Variants in PSME4 observed in about 807,000 individuals in gnomAD.
PSME4 encodes the protein proteasome activator subunit 4.
PSME4 carries 89 observed loss-of-function variants against 253.9 expected under a neutral mutation model. The ratio of observed to expected loss-of-function variants is 0.35; its 90% CI spans 0.30 to 0.42. The LOEUF (loss-of-function observed/expected upper bound fraction) is 0.42. Ranked by LOEUF, PSME4 falls within the 10% of genes least tolerant of loss-of-function variation. PSME4 has a pLI of 1.00. For missense variants in PSME4, 2,014 were observed against 2,195.2 expected, an observed-to-expected ratio of 0.92 and a Z score of 1.65; for synonymous variants, 851 against 759.2, an observed-to-expected ratio of 1.12 and a Z score of -1.99.
intron 22 of PSME4, 28 bp downstream of exon 22, chr2:53,908,756 A>T: frequency 1.3e-6 from 2 of 1,542,700 alleles, no homozygotes; most frequent in Non-Finnish European, 8.9e-7. Context: ...CCAAAGTACA[A>T]ATAAGTTAAA....
chr2:53,945,628 A>T (rs1402632096), intron 3 of PSME4, among the ~76,000 whole-genome samples: 1 of 152,198 alleles, frequency 6.6e-6, no homozygotes, highest in Non-Finnish European at 1.5e-5. Flanking sequence ...TAGCTTTTAA[A>T]ATCATGTTGA....
chr2:53,926,066 T>TG, intron 12 of PSME4, 43 bp from the exon 13 acceptor site: 1 of 1,509,698 alleles, frequency 6.6e-7, no homozygotes, highest in Non-Finnish European at 9.2e-7. Flanking sequence ...ATAGCCTTTG[T>TG]TTTTTTTTCC....
intron 8 of PSME4, 115 bp from the exon 9 acceptor site, chr2:53,932,875 C>CA: frequency 1.4e-6 from 1 of 700,116 alleles, no homozygotes. Context: ...AACTTGCTGA[C>CA]AAAAATAAAT....
At chr2:53,869,344 A>G (rs781486620) in intron 44 of PSME4, 32 bp downstream of exon 44, 1 of 1,552,904 alleles carries the variant, frequency 6.4e-7, no homozygotes, top group South Asian at 1.2e-5. Flanking sequence ...AATTCCCAAT[A>G]GGATACAGGT....
rs116564081 is a variant in PSME4, at chr2:53,922,897, G to A, written c.1978+152C>T. ...AACATTTTTAAGCTACTGCCAACCTGGATGATATCTTTTTTGGAGACAAAT... is the reference window on the plus strand; with the variant it reads ...AACATTTTTAAGCTACTGCCAACCTAGATGATATCTTTTTTGGAGACAAAT... On this transcript the variant is annotated intron_variant, in intron 16 of 46. Transcript: ENST00000404125. 2.1e-4 allele frequency: 136 copies of A among 645,210 alleles called. 1 individual carries two copies. In the African/African-American group the frequency reaches 2.3e-3, roughly 11 times the overall value. 40.0% of individuals were successfully genotyped at this position (645,210 alleles called of 1,614,324 possible).
intron 5 of PSME4, 113 bp from the exon 6 acceptor site, chr2:53,936,940 G>C: frequency 1.5e-6 from 1 of 680,468 alleles, no homozygotes; most frequent in Non-Finnish European, 2.5e-6. Context: ...ACGTTAACTA[G>C]AAAAAACAAT....
intron 1 of PSME4, among the ~76,000 whole-genome samples, chr2:53,949,561 G>A (rs1408714003): frequency 6.6e-6 from 1 of 151,716 alleles, no homozygotes; most frequent in Non-Finnish European, 1.5e-5. Context: ...TAGAACCAGT[G>A]ATGAGGATGA....
At chr2:53,875,095 A>G (rs933515172) in intron 42 of PSME4, among the ~76,000 whole-genome samples, 2 of 152,218 alleles carry the variant, frequency 1.3e-5, no homozygotes, top group Non-Finnish European at 2.9e-5. Flanking sequence ...AACAACTACT[A>G]AATTCTACTA....
At chr2:53,883,373 GC>G (rs1679484397) in intron 41 of PSME4, among the ~76,000 whole-genome samples, 1 of 152,114 alleles carries the variant, frequency 6.6e-6, no homozygotes, top group Non-Finnish European at 1.5e-5. Flanking sequence ...GGTGATGCAT[GC>G]CCGTAGTCCC....
chr2:53,926,232 A>C (rs1668552085), intron 12 of PSME4, among the ~76,000 whole-genome samples: 1 of 152,234 alleles, frequency 6.6e-6, no homozygotes, highest in Admixed American at 6.5e-5. Flanking sequence ...GAAAGAAGAA[A>C]TTAATGTTAT....
At chr2:53,940,684 G>C (rs1669348882) in intron 3 of PSME4, among the ~76,000 whole-genome samples, 1 of 150,738 alleles carries the variant, frequency 6.6e-6, no homozygotes, top group Non-Finnish European at 1.5e-5. Flanking sequence ...GACCAGAATG[G>C]AATATTTAAA....
At chr2:53,950,463 T>G (rs1323663457) in intron 1 of PSME4, among the ~76,000 whole-genome samples, 1 of 152,214 alleles carries the variant, frequency 6.6e-6, no homozygotes, top group East Asian at 1.9e-4. Flanking sequence ...AAAAATAATT[T>G]AATATTTTAT....
At chr2:53,885,183 G>C (rs534262956) in intron 41 of PSME4, among the ~76,000 whole-genome samples, 5 of 152,134 alleles carry the variant, frequency 3.3e-5, no homozygotes, top group Non-Finnish European at 5.9e-5. Context: ...TAGATGATTA[G>C]ATAAAACCAC....
Position 53,901,203 on chromosome 2 carries a change from G to C in PSME4, c.3285+147C>G, listed in dbSNP as rs1036284192. 4.1e-6 allele frequency: 3 copies of C among 731,278 alleles called. No individual in the cohort carries two copies. The Admixed American group carries it at 8.4e-5, about 20-fold the overall frequency. 45.3% of individuals were successfully genotyped at this position (731,278 alleles called of 1,614,324 possible). Reference sequence around the variant, plus strand: ...ATAATGATCAATGAAAGTACAAAAAGCAAACAGGTAACAAACGCTTTTTTA... The same window carrying C: ...ATAATGATCAATGAAAGTACAAAAACCAAACAGGTAACAAACGCTTTTTTA... On this transcript the variant is annotated intron_variant, in intron 28 of 46. Coordinates refer to ENST00000404125, the MANE Select transcript of PSME4 (RefSeq NM_014614.3).
At chr2:53,919,798 AAAT>A (rs1368891544) in intron 19 of PSME4, among the ~76,000 whole-genome samples, 1 of 151,738 alleles carries the variant, frequency 6.6e-6, no homozygotes, top group Non-Finnish European at 1.5e-5. Flanking sequence ...ATTTCTTGTT[AAAT>A]ACCTGTGGGA....
intron 20 of PSME4, chr2:53,917,248 TA>T (rs1451749090): frequency 1.2e-5 from 2 of 173,156 alleles, no homozygotes; most frequent in Non-Finnish European, 2.6e-5. Flanking sequence ...GAAAAGCAGA[TA>T]AAAGGATACT....
rs192671702 is a variant in PSME4 at position 53,945,080 on chromosome 2, T to C, written c.500+3341A>G. On this transcript the variant is annotated intron_variant, in intron 3 of 46. Coordinates refer to ENST00000404125, the MANE Select transcript of PSME4 (RefSeq NM_014614.3). ...TTTACTACCACCCACAAAAACCAAA[T>C]TAGTGGTAATACTAAATAAACAAAT... Among the ~76,000 whole-genome samples, 592 of 152,234 alleles carry C rather than the reference T, an allele frequency of 3.9e-3. 3 individuals are homozygous for C. The highest frequency in any genetic ancestry group is 0.031 in the Middle Eastern group (9 of 294).
At chr2:53,887,616 T>A (rs563849859) in intron 39 of PSME4, 149 bp from the exon 40 acceptor site, 1 of 887,006 alleles carries the variant, frequency 1.1e-6, no homozygotes, top group Non-Finnish European at 1.7e-6. Context: ...AGAAGCCTTA[T>A]AATTAAGGGG....
At chr2:53,865,640 A>C (rs955866643) in intron 46 of PSME4, 67 bp from the exon 47 acceptor site, 3 of 153,406 alleles carry the variant, frequency 2.0e-5, no homozygotes, top group African/African-American at 7.2e-5. Context: ...CTAATAAATG[A>C]AATTTTTATT....
Sources: gnomAD v4.1 joint callset for allele counts (sites outside exome capture counted in the v4.1 genomes callset) on GRCh38, gnomAD v4.1.1 for gene constraint, MANE v1.5 for transcripts, NCBI Gene and HGNC (gene_info 2026-07-23, HGNC 2026-07-21) for gene names.